The following TCEA2 variants were observed in gnomAD, a reference collection of about 807,000 sequenced individuals.
The protein encoded by TCEA2 is transcription elongation factor A2, also known as transcription elongation factor A protein 2.
TCEA2 carries 21 observed loss-of-function variants against 40.8 expected under a neutral mutation model. The ratio of observed to expected loss-of-function variants is 0.51; its 90% CI spans 0.36 to 0.74. The LOEUF (loss-of-function observed/expected upper bound fraction) is 0.74. Ranked by LOEUF, TCEA2 falls within the 30% of genes least tolerant of loss-of-function variation. TCEA2 has a pLI of 0.00. For synonymous variants in TCEA2, 165 were observed against 162.7 expected, an observed-to-expected ratio of 1.01 and a Z score of -0.11; for missense variants, 326 against 426.5, an observed-to-expected ratio of 0.76 and a Z score of 2.08.
upstream of TCEA2, among the ~76,000 whole-genome samples, chr20:64,059,647 C>A (rs2059525614): frequency 6.6e-6 from 1 of 152,110 alleles, no homozygotes; most frequent in African/African-American, 2.4e-5. Flanking sequence ...GGGCCCCAGC[C>A]CCTGGTGGGG....
upstream of TCEA2, chr20:64,062,919 T>G: frequency 6.3e-6 from 1 of 157,816 alleles, no homozygotes; most frequent in Non-Finnish European, 1.4e-5. Context: ...AGGGAGCAGA[T>G]TCCTGGGCCT....
upstream of TCEA2, chr20:64,062,332 ATC>A (rs1354824320): frequency 3.3e-5 from 5 of 152,334 alleles, no homozygotes; most frequent in African/African-American, 1.2e-4. Context: ...GGCCTGGGCC[ATC>A]TCTCTGGCTG....
At chr20:64,060,700 A>G (rs903612250), upstream of TCEA2, among the ~76,000 whole-genome samples, 17 of 152,236 alleles carry the variant, frequency 1.1e-4, no homozygotes, top group African/African-American at 4.1e-4. Flanking sequence ...AACCGTGTTC[A>G]TCTATTAATA....
At chr20:64,070,749 CA>C in intron 8 of TCEA2, 114 bp downstream of exon 8, 1 of 1,399,138 alleles carries the variant, frequency 7.1e-7, no homozygotes, top group African/African-American at 1.4e-5. Context: ...CCGAGCCTCT[CA>C]GTCCCTGAGT....
At chr20:64,063,171 A>C, upstream of TCEA2, 2 of 679,690 alleles carry the variant, frequency 2.9e-6, no homozygotes, top group Admixed American at 4.7e-5. Context: ...CGCGGGGCCG[A>C]GGGTTTGAAC....
At chr20:64,067,361 G>A (rs370624588) in intron 3 of TCEA2, among the ~76,000 whole-genome samples, 1 of 152,226 alleles carries the variant, frequency 6.6e-6, no homozygotes, top group Non-Finnish European at 1.5e-5. Context: ...AGAGGGGAAG[G>A]TCATGGCCAG....
At chr20:64,067,069 G>T in intron 3 of TCEA2, 49 bp downstream of exon 3, 1 of 1,545,494 alleles carries the variant, frequency 6.5e-7, no homozygotes, top group Non-Finnish European at 8.8e-7. Context: ...GGTCCCAGAA[G>T]TGCTGCCTCT....
intron 8 of TCEA2, 74 bp downstream of exon 8, chr20:64,070,709 G>C: frequency 6.9e-7 from 1 of 1,450,210 alleles, no homozygotes; most frequent in South Asian, 1.5e-5. Context: ...TGGAGCCCAT[G>C]CCTATTCCCG....
chr20:64,069,639 G>A (rs928266855), intron 5 of TCEA2, 126 bp from the exon 6 acceptor site: 4 of 1,534,192 alleles, frequency 2.6e-6, no homozygotes, highest in African/African-American at 2.7e-5. Flanking sequence ...AGGGGCCTGT[G>A]CCTGGATCGT....
intron 1 of TCEA2, 114 bp downstream of exon 1, chr20:64,063,498 C>T (rs910789578): frequency 9.7e-6 from 12 of 1,238,776 alleles, no homozygotes; most frequent in Non-Finnish European, 1.3e-5. Flanking sequence ...CGAGACCCCT[C>T]CCCGGCAGAG....
In TCEA2 at chr20:64,069,812, A is replaced by T; in HGVS notation, c.508A>T (p.Ile170Phe). Residue 170 changes from isoleucine (I) to phenylalanine (F), a missense_variant, in exon 6 of 10, where the codon ATC (isoleucine) becomes TTC (phenylalanine). Transcript: ENST00000343484. Reference protein sequence around the residue: ...GADCERLSAQIEECIFRDVGN... With the variant: ...GADCERLSAQFEECIFRDVGN... The stretch of plus-strand genomic sequence containing the variant: ...GGACTGCGAGCGCCTGTCGGCTCAG[A>T]TCGAGGAATATATCCTTTGGGTAGG... The T allele has an allele frequency of 6.2e-7, 1 of 1,613,846 alleles. No individual in the cohort carries two copies. Among genetic ancestry groups the T allele is most frequent in the Non-Finnish European group, 8.5e-7 (1 of 1,179,994 alleles).
chr20:64,061,351 C>T (rs575808384), upstream of TCEA2, among the ~76,000 whole-genome samples: 51 of 152,046 alleles, frequency 3.4e-4, no homozygotes, highest in South Asian at 8.9e-3. Context: ...TCGCCGCTCA[C>T]TGCAAGCTCC....
Position 64,071,948 on chromosome 20 carries a change from G to T in TCEA2, c.891+7G>T. 1 of 1,614,110 alleles carries T rather than the reference G, an allele frequency of 6.2e-7. No homozygotes were observed. Among genetic ancestry groups the T allele is most frequent in the Non-Finnish European group, 8.5e-7 (1 of 1,180,024 alleles). ...GTGTGGAAACCGCTGGAAGGTGGGTGAGCAGGCTCAGGCTGCCCCTCCCAG... is the reference window on the plus strand; with the variant it reads ...GTGTGGAAACCGCTGGAAGGTGGGTTAGCAGGCTCAGGCTGCCCCTCCCAG... On this transcript the variant is annotated splice_region_variant and intron_variant, in intron 9 of 9. Coordinates refer to ENST00000343484, the MANE Select transcript of TCEA2 (RefSeq NM_003195.6).
chr20:64,068,270 A>C, intron 4 of TCEA2, 136 bp downstream of exon 4: 1 of 778,438 alleles, frequency 1.3e-6, no homozygotes, highest in Non-Finnish European at 2.1e-6. Flanking sequence ...CATGCTGGAC[A>C]CCAGCCTTGT....
In TCEA2 at chr20:64,071,934, G is replaced by A. The variant is rs781763746; in HGVS notation, c.884G>A (p.Arg295His). 3.1e-6 allele frequency: 5 copies of A among 1,614,014 alleles called. No individual in the cohort carries two copies. The highest frequency in any genetic ancestry group is 1.1e-5 in the South Asian group (1 of 91,092). The part of the protein sequence containing the change: ...TFVVCNECGN[R>H]WKFC ...GTTGTCTGCAACGAGTGTGGAAACC[G>A]CTGGAAGGTGGGTGAGCAGGCTCAG... is the stretch of plus-strand genomic sequence containing the variant. The change falls in exon 9 of 10, where the codon CGC becomes CAC. Residue 295 changes from arginine to histidine, a missense_variant. Coordinates refer to ENST00000343484, the MANE Select transcript of TCEA2 (RefSeq NM_003195.6).
At chr20:64,063,420 C>T in intron 1 of TCEA2, 36 bp downstream of exon 1, 1 of 1,538,350 alleles carries the variant, frequency 6.5e-7, no homozygotes, top group Non-Finnish European at 8.7e-7. Flanking sequence ...CCGGGAACCC[C>T]GCCCCGCCGA....
At chr20:64,069,543 C>G (rs763885421) in intron 5 of TCEA2, 52 bp downstream of exon 5, 4 of 1,592,488 alleles carry the variant, frequency 2.5e-6, no homozygotes, top group South Asian at 2.2e-5. Context: ...CACAGGGTGG[C>G]CCGGGCCCCT....
chr20:64,072,268 C>A lies in TCEA2; in HGVS notation c.*88C>A. On this transcript the variant is annotated 3_prime_UTR_variant, in exon 10 of 10. Coordinates refer to ENST00000343484, the MANE Select transcript of TCEA2 (RefSeq NM_003195.6). ...CTTCTCTGGAGACCCTAGAAGGCGGCATGTCCTGCCCTCAACCTGCCTGCC... is the reference window on the plus strand; with the variant it reads ...CTTCTCTGGAGACCCTAGAAGGCGGAATGTCCTGCCCTCAACCTGCCTGCC... 1 of 1,463,998 alleles carries A rather than the reference C, an allele frequency of 6.8e-7. No homozygotes were observed. The highest frequency in any genetic ancestry group is 9.4e-7 in the Non-Finnish European group (1 of 1,061,582). The allele number at this position is 1,463,998 out of a possible 1,614,324, so 90.7% of individuals were successfully genotyped here.
At chr20:64,067,375 G>T (rs2059720261) in intron 3 of TCEA2, among the ~76,000 whole-genome samples, 2 of 152,214 alleles carry the variant, frequency 1.3e-5, no homozygotes, top group African/African-American at 4.8e-5. Context: ...TGGCCAGGAG[G>T]CTGGGAAGTG....
Sources: allele counts gnomAD v4.1 joint callset (sites outside exome capture counted in the v4.1 genomes callset), GRCh38; gene constraint gnomAD v4.1.1; transcripts MANE v1.5; gene names NCBI Gene and HGNC (gene_info 2026-07-23, HGNC 2026-07-21).